Variants in SPATA13 observed in about 807,000 individuals in gnomAD.
SPATA13 encodes the protein spermatogenesis associated 13, also known as spermatogenesis-associated protein 13.
Under a neutral mutation model 104.0 loss-of-function variants are expected in SPATA13, and 50 were observed. The observed-to-expected ratio is 0.48, with a 90% CI of 0.38 to 0.61. The LOEUF (loss-of-function observed/expected upper bound fraction) is 0.61. SPATA13 is among the 20% of genes least tolerant of loss of function. SPATA13 has a pLI of 0.00. For missense variants in SPATA13, 1,524 were observed against 1,690.6 expected, an observed-to-expected ratio of 0.90 and a Z score of 1.73; for synonymous variants, 606 against 667.5, an observed-to-expected ratio of 0.91 and a Z score of 1.42.
rs958434459 is a variant in SPATA13, at chr13:24,113,868, CAAAA to C, written c.-112+96186_-112+96189del. 7.1e-5 allele frequency among the ~76,000 whole-genome samples: 4 copies of C among 56,172 alleles called. No homozygotes were observed. The East Asian group carries it at 2.5e-3, about 35-fold the overall frequency. The allele number at this position is 56,172 out of a possible 152,430, so 36.9% of individuals were successfully genotyped here. A position where few individuals can be genotyped will look rare whatever the true frequency, so the allele number is the denominator to read the frequency against. On this transcript the variant is annotated intron_variant, in intron 3 of 14. Coordinates refer to the SPATA13 transcript ENST00000424834. ...CTGGCGACAGAGTGAGACTCGATCT[CAAAA>C]AAAAAAAAAAAAAAAAAAGAAAGAA...
intron 3 of SPATA13, among the ~76,000 whole-genome samples, chr13:24,057,568 C>A (rs746782358): frequency 4.1e-5 from 6 of 146,584 alleles, no homozygotes; most frequent in Non-Finnish European, 1.6e-5. Flanking sequence ...TGGTGCAGGG[C>A]TGGGAATTTG....
intron 3 of SPATA13, among the ~76,000 whole-genome samples, chr13:24,065,445 C>G (rs1316871619): frequency 6.6e-6 from 1 of 152,178 alleles, no homozygotes. Context: ...CATAGATGCT[C>G]TGGAAATACA....
chr13:24,130,626 AT>A (rs1881364540), intron 3 of SPATA13, among the ~76,000 whole-genome samples: 2 of 152,222 alleles, frequency 1.3e-5, no homozygotes, highest in Non-Finnish European at 2.9e-5. Flanking sequence ...TAATAACTCC[AT>A]GTCCATGTTC....
At position 24,205,124 on chromosome 13, in the gene SPATA13, T is replaced by A. The variant is rs2138578489; in HGVS notation, c.-111-17695T>A. 6.6e-6 allele frequency among the ~76,000 whole-genome samples: 1 copy of A among 152,230 alleles called. No homozygotes were observed. Among genetic ancestry groups the A allele is most frequent in the African/African-American group, 2.4e-5 (1 of 41,536 alleles). On this transcript the variant is annotated intron_variant, in intron 1 of 12. Transcript: ENST00000382108. This position sits in a 1 kb window ranked among gnomAD's most constrained non-coding sequence, Gnocchi z 4.1. ...AGGCAAGAGAAAGAAATAAATGACA[T>A]CCAAATAGGAAGAGAGGAAGTCAAA...
chr13:24,090,544 C>A (rs1879878714), intron 3 of SPATA13, among the ~76,000 whole-genome samples: 1 of 152,188 alleles, frequency 6.6e-6, no homozygotes, highest in Non-Finnish European at 1.5e-5. Flanking sequence ...CCCATCCAAT[C>A]CACCACGTCC....
intron 3 of SPATA13, among the ~76,000 whole-genome samples, chr13:24,036,013 CAA>C (rs56837096): frequency 0.44 from 49,649 of 112,526 alleles, 8,753 homozygotes; most frequent in East Asian, 0.54. Flanking sequence ...GACCCTGTCT[CAA>C]AAAAAAAAAA....
intron 3 of SPATA13, among the ~76,000 whole-genome samples, chr13:24,086,779 G>A (rs1879738349): frequency 6.6e-6 from 1 of 152,154 alleles, no homozygotes; most frequent in South Asian, 2.1e-4. Context: ...CGGAATTCCA[G>A]GAGGGAGAGG....
intron 3 of SPATA13, among the ~76,000 whole-genome samples, chr13:24,018,683 G>A (rs1374495402): frequency 6.6e-6 from 1 of 152,134 alleles, no homozygotes; most frequent in Non-Finnish European, 1.5e-5. Flanking sequence ...CTGCACCATA[G>A]GCCTCACCTA....
chr13:24,289,198 A>C lies in SPATA13; in HGVS notation c.2847+20A>C, dbSNP rs1410648205. On this transcript the variant is annotated intron_variant, in intron 8 of 12. Transcript: ENST00000382108. Reference sequence around the variant, plus strand: ...CAAAATGTGCGTCACCCTTTACTTCATTATTAATAACATCTGCTTACATAA... The same window carrying C: ...CAAAATGTGCGTCACCCTTTACTTCCTTATTAATAACATCTGCTTACATAA... 6.3e-7 allele frequency: 1 copy of C among 1,587,110 alleles called. No homozygotes were observed. Among genetic ancestry groups the C allele is most frequent in the East Asian group, 2.2e-5 (1 of 44,656 alleles).
intron 1 of SPATA13, among the ~76,000 whole-genome samples, chr13:24,172,762 A>G (rs138789678): frequency 6.6e-6 from 1 of 152,304 alleles, no homozygotes; most frequent in East Asian, 1.9e-4. Flanking sequence ...ACAGCTGCAT[A>G]CATCTTGAAA....
chr13:24,189,657 T>TTTATATATTA (rs1869410069), intron 1 of SPATA13, among the ~76,000 whole-genome samples: 1 of 9,548 alleles, frequency 1.0e-4, no homozygotes, highest in African/African-American at 1.5e-4. Context: ...ATATTATATA[T>TTTATATATTA]TATATATTTA....
At chr13:24,208,702 A>G (rs2861544) in intron 1 of SPATA13, among the ~76,000 whole-genome samples, 101,928 of 151,240 alleles carry the variant, frequency 0.67, 34,564 homozygotes, top group South Asian at 0.83. Flanking sequence ...CATAGGCCAA[A>G]AGAAATCCCT....
chr13:24,061,091 A>G (rs7332020), intron 3 of SPATA13, among the ~76,000 whole-genome samples: 76,238 of 151,988 alleles, frequency 0.5, 19,957 homozygotes, highest in African/African-American at 0.66. Context: ...TCAAAAGAGG[A>G]CATACATGTG....
At chr13:24,182,231 A>G (rs955803299) in intron 1 of SPATA13, among the ~76,000 whole-genome samples, 5 of 152,172 alleles carry the variant, frequency 3.3e-5, no homozygotes, top group African/African-American at 1.2e-4. Flanking sequence ...GCCTCAGTTT[A>G]TGGATGGGAT....
In SPATA13 at chr13:24,088,560, A is replaced by G. The variant is rs1457307714; in HGVS notation, c.-112+70859A>G. Among the ~76,000 whole-genome samples, 1 of 152,204 alleles carries G rather than the reference A, an allele frequency of 6.6e-6. No homozygotes were observed. Among genetic ancestry groups the G allele is most frequent in the Non-Finnish European group, 1.5e-5 (1 of 68,044 alleles). ...GGCAGAATCTCAATACTGTCCCAGC[A>G]GGTGGCAACTGCACTCATTTTTAAA... On this transcript the variant is annotated intron_variant, in intron 3 of 14. Coordinates refer to the SPATA13 transcript ENST00000424834. The surrounding 1 kb of genome is among the most constrained non-coding windows in gnomAD (Gnocchi z 4.3).
At chr13:24,189,498 TA>T (rs1869379452) in intron 1 of SPATA13, among the ~76,000 whole-genome samples, 1 of 10,482 alleles carries the variant, frequency 9.5e-5, no homozygotes, top group Non-Finnish European at 1.3e-3. Context: ...TATATACGTG[TA>T]TATATATATA....
At chr13:24,213,605 C>T (rs1158923847) in intron 1 of SPATA13, among the ~76,000 whole-genome samples, 1 of 152,276 alleles carries the variant, frequency 6.6e-6, no homozygotes, top group South Asian at 2.1e-4. Flanking sequence ...CACCCTTCTC[C>T]CTGTCCTTTT....
Position 24,249,460 on chromosome 13 carries a change from C to A in SPATA13, c.1654-17C>A. 6.6e-7 allele frequency: 1 copy of A among 1,526,638 alleles called. No individual in the cohort carries two copies. 94.6% of individuals were successfully genotyped at this position (1,526,638 alleles called of 1,614,324 possible). On this transcript the variant is annotated splice_polypyrimidine_tract_variant and intron_variant, in intron 2 of 12. Coordinates refer to ENST00000382108, the MANE Select transcript of SPATA13 (RefSeq NM_001166271.3). ...TTCCTGGATATTGAGCTCACCTGACCTGTTCGCATTTGAAAGGTCGTCCCT... is the reference window on the plus strand; with the variant it reads ...TTCCTGGATATTGAGCTCACCTGACATGTTCGCATTTGAAAGGTCGTCCCT...
chr13:24,159,713 T>TA (rs1014353309), upstream of SPATA13, among the ~76,000 whole-genome samples: 1 of 152,236 alleles, frequency 6.6e-6, no homozygotes, highest in Non-Finnish European at 1.5e-5. Flanking sequence ...TTCAATATTT[T>TA]AAAAAACATA....
Sources: gnomAD v4.1 joint callset for allele counts (sites outside exome capture counted in the v4.1 genomes callset) on GRCh38, gnomAD v4.1.1 for gene constraint, Gnocchi (gnomAD v3.1) non-coding constraint, MANE v1.5 for transcripts, NCBI Gene and HGNC (gene_info 2026-07-23, HGNC 2026-07-21) for gene names.